PTPRD: variants seen among roughly 807,000 people sequenced by gnomAD.
The protein encoded by PTPRD is protein tyrosine phosphatase receptor type D.
A neutral mutation model predicts 214.5 loss-of-function variants in PTPRD; 34 were observed. The ratio of observed to expected loss-of-function variants is 0.16; its 90% CI spans 0.12 to 0.21. The LOEUF (loss-of-function observed/expected upper bound fraction) is 0.21. Among genes scored for constraint, PTPRD ranks in the 10% least tolerant of loss-of-function variants. The pLI, the probability that PTPRD is intolerant of heterozygous loss-of-function variation, is 1.00. For synonymous variants in PTPRD, 1,128 were observed against 845.7 expected (o/e 1.33, Z -5.79); for missense variants, 2,545 against 2,398.7 (o/e 1.06, Z -1.27).
chr9:9,327,764 T>G (rs1271970447), intron 9 of PTPRD, among the ~76,000 whole-genome samples: 1 of 152,116 alleles, frequency 6.6e-6, no homozygotes, highest in Non-Finnish European at 1.5e-5. Context: ...ATGTTTCAAT[T>G]AAGTCCATCT....
In PTPRD at chr9:9,994,369, T is replaced by C. The variant is rs184270888; in HGVS notation, c.-472+39349A>G. Among the ~76,000 whole-genome samples, 15 of 152,334 alleles carry C rather than the reference T, an allele frequency of 9.8e-5. No individual in the cohort carries two copies. The East Asian group carries it at 2.7e-3, about 27-fold the overall frequency. On this transcript the variant is annotated intron_variant, in intron 4 of 45. Transcript: ENST00000381196. ...AACATTCAGCACCAATGTACTTTAT[T>C]ACTTAAACTTCACTTACCTCTCTAG...
At chr9:8,795,917 AAAAAG>A (rs2096405007) in intron 11 of PTPRD, among the ~76,000 whole-genome samples, 1 of 152,222 alleles carries the variant, frequency 6.6e-6, no homozygotes, top group African/African-American at 2.4e-5. Flanking sequence ...ATGTTCAAAA[AAAAAG>A]AAAAGGCACT....
intron 30 of PTPRD, among the ~76,000 whole-genome samples, chr9:8,476,389 G>A (rs1369612228): frequency 6.6e-6 from 1 of 152,124 alleles, no homozygotes; most frequent in Non-Finnish European, 1.5e-5. Context: ...CTCCTGCTGT[G>A]TGGTCGGGTT....
intron 11 of PTPRD, among the ~76,000 whole-genome samples, chr9:8,935,854 C>T (rs1167642913): frequency 6.6e-6 from 1 of 152,132 alleles, no homozygotes; most frequent in Non-Finnish European, 1.5e-5. Flanking sequence ...TATACAGTTT[C>T]CTTTTGGGGT....
chr9:8,964,109 G>T (rs1471130381), intron 11 of PTPRD, among the ~76,000 whole-genome samples: 1 of 147,636 alleles, frequency 6.8e-6, no homozygotes, highest in African/African-American at 2.5e-5. Flanking sequence ...TCAATTTTTG[G>T]AATAGTTTCA....
intron 27 of PTPRD, 134 bp downstream of exon 27, chr9:8,492,727 TA>T: frequency 2.0e-6 from 1 of 502,956 alleles, no homozygotes; most frequent in Non-Finnish European, 3.3e-6. Flanking sequence ...ACCCCTGAAC[TA>T]AAAACACAAA....
At chr9:9,964,878 TAACTA>T (rs1051432416) in intron 4 of PTPRD, among the ~76,000 whole-genome samples, 2 of 152,178 alleles carry the variant, frequency 1.3e-5, no homozygotes, top group African/African-American at 4.8e-5. Flanking sequence ...CTCCAAGATC[TAACTA>T]AACTAATTTT....
intron 3 of PTPRD, among the ~76,000 whole-genome samples, chr9:10,164,097 C>G (rs2099144773): frequency 6.6e-6 from 1 of 151,322 alleles, no homozygotes; most frequent in African/African-American, 2.4e-5. Context: ...AATTTAAAAA[C>G]CAATGTTCAA....
chr9:10,409,096 G>C (rs767459085), intron 2 of PTPRD, among the ~76,000 whole-genome samples: 8 of 151,538 alleles, frequency 5.3e-5, no homozygotes, highest in Admixed American at 2.0e-4. Context: ...ATTTTTAAGG[G>C]ATTATAAAAA....
intron 5 of PTPRD, among the ~76,000 whole-genome samples, chr9:9,829,913 A>G (rs2054252224): frequency 6.6e-6 from 1 of 151,784 alleles, no homozygotes; most frequent in Non-Finnish European, 1.5e-5. Context: ...AAATAATCAT[A>G]GAACTCATAT....
At chr9:9,012,490 G>C (rs2099515804) in intron 11 of PTPRD, among the ~76,000 whole-genome samples, 1 of 152,116 alleles carries the variant, frequency 6.6e-6, no homozygotes, top group South Asian at 2.1e-4. Context: ...AGAAATCCAT[G>C]CATGAAAGGG....
chr9:10,446,429 T>TC (rs527837200), intron 2 of PTPRD, among the ~76,000 whole-genome samples: 3 of 144,780 alleles, frequency 2.1e-5, no homozygotes, highest in African/African-American at 5.0e-5. Flanking sequence ...TTTTTTTTTT[T>TC]TTTTTTTTTT....
intron 9 of PTPRD, among the ~76,000 whole-genome samples, chr9:9,321,485 G>A (rs561660702): frequency 1.4e-4 from 21 of 149,624 alleles, no homozygotes; most frequent in Admixed American, 1.2e-3. Flanking sequence ...AACCTGGGAG[G>A]CAAAAGTTGC....
chr9:10,417,590 A>G, intron 2 of PTPRD, among the ~76,000 whole-genome samples: 1 of 151,978 alleles, frequency 6.6e-6, no homozygotes, highest in South Asian at 2.1e-4. Context: ...TTTGCCTTAT[A>G]ATAACCATAT....
intron 3 of PTPRD, among the ~76,000 whole-genome samples, chr9:10,298,505 T>C (rs2095757281): frequency 6.6e-6 from 1 of 152,124 alleles, no homozygotes; most frequent in Non-Finnish European, 1.5e-5. Flanking sequence ...CTTTTCATTC[T>C]GCTGATGCAC....
At chr9:8,413,459 C>A (rs2093678844) in intron 35 of PTPRD, among the ~76,000 whole-genome samples, 1 of 152,018 alleles carries the variant, frequency 6.6e-6, no homozygotes, top group Non-Finnish European at 1.5e-5. Context: ...CAGAAAATCC[C>A]AAATAATCAC....
intron 10 of PTPRD, among the ~76,000 whole-genome samples, chr9:9,108,411 G>A (rs1231136954): frequency 6.6e-6 from 1 of 152,126 alleles, no homozygotes; most frequent in Non-Finnish European, 1.5e-5. Flanking sequence ...GCTGTGCTAT[G>A]CTGCAATGAA....
At chr9:9,474,971 G>C (rs1453990187) in intron 8 of PTPRD, among the ~76,000 whole-genome samples, 1 of 151,836 alleles carries the variant, frequency 6.6e-6, no homozygotes, top group Admixed American at 6.6e-5. Context: ...GTTTTCTCAA[G>C]TTTTTACTTT....
chr9:10,013,166 C>T (rs2096635313), intron 4 of PTPRD, among the ~76,000 whole-genome samples: 2 of 151,670 alleles, frequency 1.3e-5, no homozygotes, highest in Admixed American at 6.6e-5. Flanking sequence ...TCTTTATTGT[C>T]ATGATTTTGT....
Sources: gnomAD v4.1 joint callset for allele counts (sites outside exome capture counted in the v4.1 genomes callset) on GRCh38, gnomAD v4.1.1 for gene constraint, MANE v1.5 for transcripts, NCBI Gene and HGNC (gene_info 2026-07-23, HGNC 2026-07-21) for gene names.